The following UBR4 variants were observed in gnomAD, a reference collection of about 807,000 sequenced individuals.
UBR4 encodes the protein ubiquitin protein ligase E3 component n-recognin 4.
A neutral mutation model predicts 575.6 loss-of-function variants in UBR4; 124 were observed. That is an observed-to-expected ratio of 0.22 (90% CI 0.19 to 0.25). The LOEUF (loss-of-function observed/expected upper bound fraction) is 0.25, where lower values mean the gene tolerates loss of function less well. UBR4 is among the 10% of genes least tolerant of loss of function. The probability of loss-of-function intolerance (pLI) is 1.00; values close to 1 mark genes in which losing one functional copy is unlikely to be tolerated. For missense variants in UBR4, 4,818 were observed against 6,478.8 expected, an observed-to-expected ratio of 0.74 and a Z score of 8.80; for synonymous variants, 2,455 against 2,473.7, an observed-to-expected ratio of 0.99 and a Z score of 0.22.
Position 19,081,350 on chromosome 1 carries a change from T to C in UBR4, c.15232A>G (p.Arg5078Gly). 6.3e-7 allele frequency: 1 copy of C among 1,593,124 alleles called. No individual in the cohort carries two copies. The highest frequency in any genetic ancestry group is 8.5e-7 in the Non-Finnish European group (1 of 1,170,604). ...ARAVAPGGATRLTDKAVKDYS... is the reference protein window; with the variant it reads ...ARAVAPGGATGLTDKAVKDYS... ...CAGCTTCCGGAAGCAGGTACTGACC[T>C]GGTGGCTCCACCTGGAGCCACTGCC... Residue 5078 changes from arginine to glycine, a missense_variant and splice_region_variant, in exon 103 of 106, where the codon AGG becomes GGG. By Grantham distance (125) the Arg-to-Gly change is moderately radical. This residue lies in a region of UBR4 where 212 missense variants were observed against 221.3 expected (regional missense o/e 0.96). Transcript: ENST00000375254.
At chr1:19,156,188 C>T (rs2086428493) in intron 42 of UBR4, 83 bp downstream of exon 42, 1 of 1,542,712 alleles carries the variant, frequency 6.5e-7, no homozygotes, top group African/African-American at 1.4e-5. Flanking sequence ...TTTTTAACTC[C>T]TGGGAGAAGC....
intron 102 of UBR4, among the ~76,000 whole-genome samples, chr1:19,082,531 C>T (rs2148589954): frequency 6.6e-6 from 1 of 152,328 alleles, no homozygotes; most frequent in South Asian, 2.1e-4. Flanking sequence ...TGGGTACACT[C>T]TCTCCTTAGA....
Position 19,121,387 on chromosome 1 carries a change from C to G in UBR4, c.9943G>C (p.Val3315Leu). 6.2e-7 allele frequency: 1 copy of G among 1,614,108 alleles called. No homozygotes were observed. Among genetic ancestry groups the G allele is most frequent in the Non-Finnish European group, 8.5e-7 (1 of 1,179,992 alleles). The change falls in exon 68 of 106, where the codon GTG becomes CTG. Residue 3315 changes from valine to leucine, a missense_variant. Around this residue, in one of 29 missense-constraint regions of UBR4, gnomAD observed 550 missense variants for 791.5 expected, o/e 0.69. Coordinates refer to ENST00000375254, the MANE Select transcript of UBR4 (RefSeq NM_020765.3). Reference sequence around the variant, plus strand: ...AGCAGTTGCAGCAGCACTGGGGACACGCCCTCATCCACAAGGAAACTGACT... The same window carrying G: ...AGCAGTTGCAGCAGCACTGGGGACAGGCCCTCATCCACAAGGAAACTGACT... ...LQVSFLVDEG[V>L]SPVLLQLLSC... is the part of the protein sequence containing the mutation.
intron 20 of UBR4, among the ~76,000 whole-genome samples, chr1:19,175,982 G>C (rs947697757): frequency 2.0e-5 from 3 of 152,010 alleles, no homozygotes; most frequent in Non-Finnish European, 4.4e-5. Flanking sequence ...ATTTTTGGTA[G>C]ACGGGATCTA....
At position 19,122,729 on chromosome 1, in the gene UBR4, AAC is replaced by A. The variant is rs1312460448; in HGVS notation, c.9816+102_9816+103del. 1.3e-5 allele frequency: 17 copies of A among 1,285,856 alleles called. 1 individual carries two copies. Among genetic ancestry groups the A allele is most frequent in the Non-Finnish European group, 4.5e-6 (4 of 898,312 alleles). The allele number at this position is 1,285,856 out of a possible 1,614,324, so 79.7% of individuals were successfully genotyped here. On this transcript the variant is annotated intron_variant, in intron 66 of 105. Transcript: ENST00000375254. Reference sequence around the variant, plus strand: ...TCTCAGCCCTAACCATGCCATTGTCAACACAGTTAAAAGTCCTGCATTATTAC... The same window carrying A: ...TCTCAGCCCTAACCATGCCATTGTCAACAGTTAAAAGTCCTGCATTATTAC...
chr1:19,128,137 A>G, intron 62 of UBR4, 74 bp downstream of exon 62: 1 of 1,420,788 alleles, frequency 7.0e-7, no homozygotes, highest in Non-Finnish European at 9.9e-7. Context: ...AAGTTCCTCT[A>G]TGAAACGAAT....
intron 22 of UBR4, among the ~76,000 whole-genome samples, chr1:19,173,946 T>A (rs1312753323): frequency 6.6e-6 from 1 of 152,232 alleles, no homozygotes; most frequent in Non-Finnish European, 1.5e-5. Flanking sequence ...AGACCTGCAA[T>A]CAGCTATCCG....
In UBR4 at chr1:19,126,449, C is replaced by T; in HGVS notation, c.9435G>A (p.Val3145=). The T allele has an allele frequency of 6.2e-7, 1 of 1,614,176 alleles. No individual in the cohort carries two copies. Among genetic ancestry groups the T allele is most frequent in the Non-Finnish European group, 8.5e-7 (1 of 1,180,000 alleles). Residue 3145 remains valine (V), a synonymous_variant, in exon 64 of 106, where the codon GTG becomes GTA. Transcript: ENST00000375254. ...DMSPFFLRQY[V]KGHAADVFEA... Reference sequence around the variant, plus strand: ...TTTGATGAGGGAAAGATCTCACCTTCACATACTGGCGGAGAAAGAATGGGC... The same window carrying T: ...TTTGATGAGGGAAAGATCTCACCTTTACATACTGGCGGAGAAAGAATGGGC...
At chr1:19,105,231 G>T in intron 84 of UBR4, 42 bp from the exon 85 acceptor site, 1 of 1,590,448 alleles carries the variant, frequency 6.3e-7, no homozygotes, top group Non-Finnish European at 8.5e-7. Flanking sequence ...AAGAACTCTA[G>T]CATTTCGAAC....
rs1162770525 is a variant in UBR4 at position 19,153,827 on chromosome 1, T to A, written c.6571A>T (p.Met2191Leu). 1 of 1,614,186 alleles carries A rather than the reference T, an allele frequency of 6.2e-7. No homozygotes were observed. Among genetic ancestry groups the A allele is most frequent in the Middle Eastern group, 1.6e-4 (1 of 6,062 alleles). ...QQTTGVPLVV[M>L]VKPDTFLIQE... ...ATAAGAAAAGTGTCTGGTTTCACCA[T>A]AACTACCAGCGGCACCCCTGTAGTT... Residue 2191 changes from methionine to leucine, a missense_variant, in exon 45 of 106, where the codon ATG becomes TTG. Physicochemically the swap from Met to Leu is conservative, Grantham distance 15. Coordinates refer to ENST00000375254, the MANE Select transcript of UBR4 (RefSeq NM_020765.3). This position sits in a 1 kb window ranked among gnomAD's most constrained non-coding sequence, Gnocchi z 4.1.
At position 19,197,932 on chromosome 1, in the gene UBR4, A is replaced by G. The variant is rs760050182; in HGVS notation, c.751+15T>C. On this transcript the variant is annotated intron_variant, in intron 6 of 105. Transcript: ENST00000375254. Reference sequence around the variant, plus strand: ...GCCCAGAAATCAGCTTTCTGATAACAGTTGGGAGTCTTACCAAGCTCTTGA... The same window carrying G: ...GCCCAGAAATCAGCTTTCTGATAACGGTTGGGAGTCTTACCAAGCTCTTGA... 3 of 1,614,054 alleles carry G rather than the reference A, an allele frequency of 1.9e-6. No homozygotes were observed. The East Asian group carries it at 6.7e-5, about 36-fold the overall frequency.
At chr1:19,165,796 A>C (rs1440086974) in intron 29 of UBR4, 39 bp from the exon 30 acceptor site, 2 of 1,534,842 alleles carry the variant, frequency 1.3e-6, no homozygotes, top group East Asian at 2.3e-5. Flanking sequence ...CAGTATTAAG[A>C]CCTGTTTCAA....
Position 19,102,477 on chromosome 1 carries a change from G to GC in UBR4, c.12902-837dup, listed in dbSNP as rs577968845. ...AGCTCAGTATGGCACGATGAAAATGGCATCAGAAAGAGTTCCATTTTGGGC... is the reference window on the plus strand; with the variant it reads ...AGCTCAGTATGGCACGATGAAAATGGCCATCAGAAAGAGTTCCATTTTGGGC... On this transcript the variant is annotated intron_variant, in intron 87 of 105. Coordinates refer to ENST00000375254, the MANE Select transcript of UBR4 (RefSeq NM_020765.3). Among the ~76,000 whole-genome samples the GC allele has an allele frequency of 7.5e-3, 1,145 of 152,208 alleles. 24 individuals carry two copies. The highest frequency in any genetic ancestry group is 0.027 in the African/African-American group (1,104 of 41,512).
chr1:19,087,215 C>T (rs1279095103), intron 99 of UBR4, among the ~76,000 whole-genome samples: 4 of 152,260 alleles, frequency 2.6e-5, no homozygotes, highest in East Asian at 1.9e-4. Flanking sequence ...GCAGGACTAA[C>T]GAGCCCTGTG....
chr1:19,115,037 T>C, intron 74 of UBR4, 88 bp from the exon 75 acceptor site: 2 of 1,552,306 alleles, frequency 1.3e-6, no homozygotes, highest in Admixed American at 1.7e-5. Context: ...GCCACATTTA[T>C]ATACTCTGGT....
chr1:19,079,666 GGAT>G (rs1222978386), intron 103 of UBR4: 2 of 152,336 alleles, frequency 1.3e-5, no homozygotes, highest in Non-Finnish European at 2.9e-5. Flanking sequence ...CCCAGCATCA[GGAT>G]GATATCTCTA....
At chr1:19,087,672 C>T in intron 99 of UBR4, 144 bp downstream of exon 99, 3 of 612,264 alleles carry the variant, frequency 4.9e-6, no homozygotes, top group Non-Finnish European at 8.6e-6. Context: ...CTAAAGAGGA[C>T]AGCTGGTCCT....
rs373288538 is a variant in UBR4 at position 19,086,237 on chromosome 1, G to A, written c.14721C>T (p.Ala4907=). 7.1e-5 allele frequency: 114 copies of A among 1,609,214 alleles called. No individual in the cohort carries two copies. The highest frequency in any genetic ancestry group is 6.1e-4 in the East Asian group (27 of 44,532). The part of the protein sequence containing the change: ...LARGREEWES[A]ALQNANTKCN... ...ACTTGGTGTTGGCATTCTGCAGGGC[G>A]GCACTCTCCCACTCTTCCCGGCCTC... The change falls in exon 101 of 106, where the codon GCC becomes GCT. Residue 4907 remains alanine, a synonymous_variant. Coordinates refer to ENST00000375254, the MANE Select transcript of UBR4 (RefSeq NM_020765.3).
intron 28 of UBR4, 33 bp from the exon 29 acceptor site, chr1:19,167,264 A>C (rs958731730): frequency 1.2e-6 from 2 of 1,610,324 alleles, no homozygotes; most frequent in African/African-American, 2.7e-5. Context: ...GAGTTAGTGA[A>C]TACACTCCTC....
Sources: gnomAD v4.1 joint callset for allele counts (sites outside exome capture counted in the v4.1 genomes callset) on GRCh38, gnomAD v4.1.1 for gene constraint, gnomAD v4.1.1 regional missense constraint, Gnocchi (gnomAD v3.1) non-coding constraint, MANE v1.5 for transcripts, NCBI Gene and HGNC (gene_info 2026-07-23, HGNC 2026-07-21) for gene names.